Variants in CEMIP observed in about 807,000 individuals in gnomAD.
The protein encoded by CEMIP is cell migration inducing hyaluronidase 1.
A neutral mutation model predicts 156.9 loss-of-function variants in CEMIP; 105 were observed. The observed-to-expected ratio is 0.67, with a 90% CI of 0.57 to 0.79. CEMIP has a LOEUF of 0.79. CEMIP is among the 30% of genes least tolerant of loss of function. The pLI, the probability that CEMIP is intolerant of heterozygous loss-of-function variation, is 0.00. For missense variants in CEMIP, 1,457 were observed against 1,769.4 expected (o/e 0.82, Z 3.17); for synonymous variants, 676 against 668.4 (o/e 1.01, Z -0.17).
Position 80,942,199 on chromosome 15 carries a change from G to T in CEMIP, c.3613-52G>T, listed in dbSNP as rs148293649. ...GTGACTGGGGATACGGGAAGAGGAG[G>T]GGAATGACTACCCAAACCTAACAAT... On this transcript the variant is annotated intron_variant, in intron 26 of 29. Coordinates refer to ENST00000394685, the MANE Select transcript of CEMIP (RefSeq NM_001293298.2). The T allele has an allele frequency of 1.5e-3, 2,339 of 1,529,040 alleles. 43 individuals carry two copies. In the African/African-American group the frequency reaches 0.027, roughly 18 times the overall value. The allele number at this position is 1,529,040 out of a possible 1,614,324, so 94.7% of individuals were successfully genotyped here. A position where few individuals can be genotyped will look rare whatever the true frequency, so the allele number is the denominator to read the frequency against.
In CEMIP at chr15:80,935,724, T is replaced by G. The variant is rs1567109360; in HGVS notation, c.3010-950T>G. On this transcript the variant is annotated intron_variant, in intron 23 of 29. Coordinates refer to ENST00000394685, the MANE Select transcript of CEMIP (RefSeq NM_001293298.2). ...ATGTGCCATAAAACAGGACATGGCG[T>G]TTTTTTTGTTTTTGTTTTTGTTTTG... Among the ~76,000 whole-genome samples, 3 of 150,528 alleles carry G rather than the reference T, an allele frequency of 2.0e-5. No homozygotes were observed. In the East Asian group the frequency reaches 5.8e-4, roughly 29 times the overall value.
chr15:80,933,367 C>A lies in CEMIP; in HGVS notation c.2916C>A (p.Tyr972Ter). Residue 972 changes from tyrosine (Y) to a stop codon, truncating the protein, a stop_gained, in exon 23 of 30, where the codon TAC (tyrosine) becomes TAA (stop). Transcript: ENST00000394685. LOFTEE classifies it high-confidence loss of function. ...DGSVSEYPGS[Y>*]LTKNDNWLVR... ...CCGTGTCCGAGTACCCTGGCTCCTACCTCACGAAGAATGACAACTGGCTGG... is the reference window on the plus strand; with the variant it reads ...CCGTGTCCGAGTACCCTGGCTCCTAACTCACGAAGAATGACAACTGGCTGG... The A allele has an allele frequency of 6.2e-7, 1 of 1,614,192 alleles. No homozygotes were observed. Among genetic ancestry groups the A allele is most frequent in the Non-Finnish European group, 8.5e-7 (1 of 1,180,038 alleles).
intron 17 of CEMIP, among the ~76,000 whole-genome samples, chr15:80,922,768 G>A (rs528740708): frequency 1.3e-5 from 2 of 152,300 alleles, no homozygotes; most frequent in South Asian, 2.1e-4. Flanking sequence ...CAAGATGACC[G>A]GGATCTCGAG....
Position 80,847,678 on chromosome 15 carries a change from T to G in CEMIP, c.-175-25860T>G, listed in dbSNP as rs1369943342. Among the ~76,000 whole-genome samples the G allele has an allele frequency of 2.6e-5, 4 of 152,230 alleles. No individual in the cohort carries two copies. In the South Asian group the frequency reaches 8.3e-4, roughly 32 times the overall value. ...CACCAAGGGTGGTGGCCAGCAAGGC[T>G]ACTGAGAAAATAGATCCTCACTCCA... On this transcript the variant is annotated intron_variant, in intron 1 of 29. Transcript: ENST00000394685.
At chr15:80,884,963 G>C (rs921906791) in intron 7 of CEMIP, among the ~76,000 whole-genome samples, 2 of 152,108 alleles carry the variant, frequency 1.3e-5, no homozygotes, top group African/African-American at 4.8e-5. Flanking sequence ...GTGCTTGTTT[G>C]TTACCTAGGT....
At chr15:80,864,983 C>A (rs192606905) in intron 1 of CEMIP, among the ~76,000 whole-genome samples, 113 of 152,144 alleles carry the variant, frequency 7.4e-4, no homozygotes, top group African/African-American at 2.5e-3. Context: ...AGAACTGTCA[C>A]TCTGAACTGA....
chr15:80,847,492 G>A (rs1012292526), intron 1 of CEMIP, among the ~76,000 whole-genome samples: 4 of 152,184 alleles, frequency 2.6e-5, no homozygotes, highest in East Asian at 1.9e-4. Flanking sequence ...CTCTAGCAGC[G>A]ACTCAGGACC....
rs527717665 is a variant in CEMIP, at chr15:80,906,762, T to C, written c.1511T>C (p.Met504Thr). The C allele has an allele frequency of 1.1e-5, 17 of 1,614,026 alleles. No homozygotes were observed. The East Asian group carries it at 3.6e-4, about 34-fold the overall frequency. ...CGGAACATCATAGTGATGGGGGAGATGGAGGACAAATGCTACCCCTACAGA... is the reference window on the plus strand; with the variant it reads ...CGGAACATCATAGTGATGGGGGAGACGGAGGACAAATGCTACCCCTACAGA... The part of the protein sequence containing the change: ...LSRNIIVMGE[M>T]EDKCYPYRNH... Residue 504 changes from methionine (M) to threonine (T), a missense_variant, in exon 13 of 30, where the codon ATG becomes ACG. Around this residue, in one of 5 missense-constraint regions of CEMIP, gnomAD observed 280 missense variants for 300.3 expected, o/e 0.93. Coordinates refer to ENST00000394685, the MANE Select transcript of CEMIP (RefSeq NM_001293298.2). This position sits in a 1 kb window ranked among gnomAD's most constrained non-coding sequence, Gnocchi z 4.3.
intron 1 of CEMIP, among the ~76,000 whole-genome samples, chr15:80,869,551 A>C (rs1010558812): frequency 1.3e-5 from 2 of 152,194 alleles, no homozygotes; most frequent in Admixed American, 1.3e-4. Context: ...GACTGTCTAG[A>C]TTGTGCTATC....
At chr15:80,808,097 T>TA (rs1280422796) in intron 1 of CEMIP, among the ~76,000 whole-genome samples, 1 of 152,226 alleles carries the variant, frequency 6.6e-6, no homozygotes, top group Non-Finnish European at 1.5e-5. Flanking sequence ...GTGTCACTCT[T>TA]AGTAACCCTT....
In CEMIP at chr15:80,881,860, G is replaced by A. The variant is rs114643071; in HGVS notation, c.617+724G>A. Among the ~76,000 whole-genome samples the A allele has an allele frequency of 1.4e-3, 214 of 152,352 alleles. 1 individual carries two copies. The highest frequency in any genetic ancestry group is 4.6e-3 in the African/African-American group (193 of 41,580). On this transcript the variant is annotated intron_variant, in intron 6 of 29. Transcript: ENST00000394685. Reference sequence around the variant, plus strand: ...TCTGCTGTGGTCTAGGCAAGACATGGCAGTGATGAGGACCCAGAAGGAACG... The same window carrying A: ...TCTGCTGTGGTCTAGGCAAGACATGACAGTGATGAGGACCCAGAAGGAACG...
At chr15:80,928,850 C>A (rs891384247) in intron 19 of CEMIP, 52 bp from the exon 20 acceptor site, 1 of 1,611,030 alleles carries the variant, frequency 6.2e-7, no homozygotes, top group Non-Finnish European at 8.5e-7. Flanking sequence ...CACGACTCCA[C>A]TGAATGTGAA....
intron 17 of CEMIP, among the ~76,000 whole-genome samples, chr15:80,923,047 A>G (rs919383336): frequency 6.6e-6 from 1 of 152,218 alleles, no homozygotes; most frequent in Non-Finnish European, 1.5e-5. Context: ...TAAAAGCCCA[A>G]CCAGAGAGAA....
chr15:80,848,363 C>A (rs1374431713), intron 1 of CEMIP, among the ~76,000 whole-genome samples: 1 of 152,178 alleles, frequency 6.6e-6, no homozygotes, highest in African/African-American at 2.4e-5. Context: ...CTCAACTGTT[C>A]CTGTTCCATG....
intron 12 of CEMIP, chr15:80,897,303 A>C: frequency 2.2e-6 from 1 of 456,044 alleles, no homozygotes; most frequent in Non-Finnish European, 4.4e-6. Context: ...ATTCAACACA[A>C]TCTTTTTGGC....
chr15:80,825,119 T>C (rs954265483), intron 1 of CEMIP, among the ~76,000 whole-genome samples: 1 of 152,198 alleles, frequency 6.6e-6, no homozygotes, highest in Non-Finnish European at 1.5e-5. Context: ...ATCTTACCTA[T>C]GGGCTGTCAT....
intron 1 of CEMIP, among the ~76,000 whole-genome samples, chr15:80,847,577 T>C (rs777460361): frequency 2.0e-5 from 3 of 152,160 alleles, no homozygotes; most frequent in Non-Finnish European, 2.9e-5. Flanking sequence ...GAATCCAATA[T>C]TTCAGGTATT....
chr15:80,939,790 A>G (rs1901271871), intron 25 of CEMIP, among the ~76,000 whole-genome samples: 2 of 152,158 alleles, frequency 1.3e-5, no homozygotes, highest in Non-Finnish European at 2.9e-5. Context: ...GCTTTTAAAA[A>G]TCTTTCTGCC....
rs1430301374 is a variant in CEMIP, at chr15:80,909,066, G to C, written c.1588-31G>C. The C allele has an allele frequency of 2.5e-6, 4 of 1,604,906 alleles. No homozygotes were observed. In the African/African-American group the frequency reaches 4.0e-5, roughly 16 times the overall value. The stretch of plus-strand genomic sequence containing the variant: ...AGGGAAATCACAAAGCATCTCATGG[G>C]CTCCTCTGACTCTCGGTTCTCCTCT... On this transcript the variant is annotated intron_variant, in intron 13 of 29. Transcript: ENST00000394685.
Sources: allele counts gnomAD v4.1 joint callset (sites outside exome capture counted in the v4.1 genomes callset), GRCh38; gene constraint gnomAD v4.1.1; regional missense constraint gnomAD v4.1.1; non-coding constraint Gnocchi (gnomAD v3.1); transcripts MANE v1.5; gene names NCBI Gene and HGNC (gene_info 2026-07-23, HGNC 2026-07-21).